Variants in PRSS8 observed in about 807,000 individuals in gnomAD.
PRSS8 encodes the protein prostasin.
PRSS8 carries 11 observed loss-of-function variants against 26.7 expected under a neutral mutation model. The observed-to-expected ratio is 0.41, with a 90% confidence interval of 0.26 to 0.68. The LOEUF (loss-of-function observed/expected upper bound fraction) is 0.68. Ranked by LOEUF, PRSS8 falls within the 30% of genes least tolerant of loss-of-function variation. The pLI is 0.30. For missense variants in PRSS8, 362 were observed against 443.5 expected (o/e 0.82, Z 1.65); for synonymous variants, 183 against 187.0 (o/e 0.98, Z 0.17).
Position 31,132,845 on chromosome 16 carries a change from GC to G in PRSS8, c.374del (p.Ser125ThrfsTer56). The G allele has an allele frequency of 3.1e-6, 5 of 1,613,922 alleles. No homozygotes were observed. Among genetic ancestry groups the G allele is most frequent in the Non-Finnish European group, 3.4e-6 (4 of 1,179,870 alleles). On this transcript the variant is annotated frameshift_variant, in exon 4 of 6. Coordinates refer to ENST00000317508, the MANE Select transcript of PRSS8 (RefSeq NM_002773.5). LOFTEE classifies it high-confidence loss of function. The surrounding 1 kb of genome is among the most constrained non-coding windows in gnomAD (Gnocchi z 5.2). ...CGCCCTGGGAGCCCTCCTGGAGGTAGCTGGGGTGGGGGATGATGTCCTTCAG... is the reference window on the plus strand; with the variant it reads ...CGCCCTGGGAGCCCTCCTGGAGGTAGTGGGGTGGGGGATGATGTCCTTCAG... ...STLKDIIPHPSYLQEGSQGDI... is the reference protein window; with the variant it reads ...STLKDIIPHPXYLQEGSQGDI...
rs971957784 is a variant in PRSS8 at position 31,135,019 on chromosome 16, C to A, written c.103+135G>T. ...TCTGCCCATAAGGTGAGGGCTAAAACCCCCCACTCTGGGAGCCCTAAGAGA... is the reference window on the plus strand; with the variant it reads ...TCTGCCCATAAGGTGAGGGCTAAAAACCCCCACTCTGGGAGCCCTAAGAGA... On this transcript the variant is annotated intron_variant, in intron 2 of 5. Coordinates refer to ENST00000317508, the MANE Select transcript of PRSS8 (RefSeq NM_002773.5). 5.2e-5 allele frequency: 58 copies of A among 1,115,808 alleles called. 1 individual carries two copies. In the East Asian group the frequency reaches 1.5e-3, roughly 28 times the overall value. The allele number at this position is 1,115,808 out of a possible 1,614,324, so 69.1% of individuals were successfully genotyped here.
chr16:31,132,259 G>C lies in PRSS8; in HGVS notation c.782C>G (p.Ala261Gly). ...YLTGIVSWGD[A>G]CGARNRPGVY... ...ACCAGGCCTGTTGCGGGCCCCACAG[G>C]CATCTCCCCAGCTCACAATGCCCGT... is the stretch of plus-strand genomic sequence containing the variant. The change falls in exon 6 of 6, where the codon GCC becomes GGC. Residue 261 changes from alanine to glycine, a missense_variant. Coordinates refer to ENST00000317508, the MANE Select transcript of PRSS8 (RefSeq NM_002773.5). This position sits in a 1 kb window ranked among gnomAD's most constrained non-coding sequence, Gnocchi z 5.2. The C allele has an allele frequency of 6.2e-7, 1 of 1,613,626 alleles. No individual in the cohort carries two copies. The highest frequency in any genetic ancestry group is 8.5e-7 in the Non-Finnish European group (1 of 1,179,698).
Position 31,132,276 on chromosome 16 carries a change from A to G in PRSS8, c.765T>C (p.Ile255=), listed in dbSNP as rs1380990667. 6.2e-7 allele frequency: 1 copy of G among 1,613,728 alleles called. No individual in the cohort carries two copies. The highest frequency in any genetic ancestry group is 1.1e-5 in the South Asian group (1 of 91,036). Residue 255 remains isoleucine (I), a synonymous_variant, in exon 6 of 6, where the codon ATT becomes ATC. Transcript: ENST00000317508. This position sits in a 1 kb window ranked among gnomAD's most constrained non-coding sequence, Gnocchi z 5.2. ...CCCCACAGGCATCTCCCCAGCTCAC[A>G]ATGCCCGTCAGGTACCAGAGACCCT... ...PVEGLWYLTG[I]VSWGDACGAR... is the part of the protein sequence containing the mutation.
chr16:31,133,150 A>G lies in PRSS8; in HGVS notation c.266+76T>C. ...AACTGACACTCTCAGACCCAACCCA[A>G]GAACCCCAACCTCTGACCTGGATTG... On this transcript the variant is annotated intron_variant, in intron 3 of 5. Coordinates refer to ENST00000317508, the MANE Select transcript of PRSS8 (RefSeq NM_002773.5). The surrounding 1 kb of genome is among the most constrained non-coding windows in gnomAD (Gnocchi z 4.7). 1 of 1,605,946 alleles carries G rather than the reference A, an allele frequency of 6.2e-7. No individual in the cohort carries two copies. Among genetic ancestry groups the G allele is most frequent in the Non-Finnish European group, 8.5e-7 (1 of 1,177,126 alleles).
chr16:31,131,584 T>C lies in PRSS8; in HGVS notation c.*425A>G, dbSNP rs2057580088. Reference sequence around the variant, plus strand: ...CAGTGGGCAAGATTGGGGCCTTTCCTGTCCTCGAAGCTGCACAAAGGTGGC... The same window carrying C: ...CAGTGGGCAAGATTGGGGCCTTTCCCGTCCTCGAAGCTGCACAAAGGTGGC... On this transcript the variant is annotated 3_prime_UTR_variant, in exon 6 of 6. Transcript: ENST00000317508. 1 of 477,294 alleles carries C rather than the reference T, an allele frequency of 2.1e-6. No homozygotes were observed. Among genetic ancestry groups the C allele is most frequent in the African/African-American group, 2.0e-5 (1 of 51,116 alleles). 29.6% of individuals were successfully genotyped at this position (477,294 alleles called of 1,614,324 possible).
At position 31,132,020 on chromosome 16, in the gene PRSS8, T is replaced by G. The variant is rs375758184; in HGVS notation, c.1021A>C (p.Ser341Arg). ...LALGLLSPWL[S>R]EH ...GAAGTAGGGCCAGCTCAGTGCTCGC[T>G]GAGCCATGGGGAGAGGAGGCCCAGA... The change falls in exon 6 of 6, where the codon AGC becomes CGC. Residue 341 changes from serine (S) to arginine (R), a missense_variant. By Grantham distance (110) the Ser-to-Arg change is moderately radical. Transcript: ENST00000317508. This position sits in a 1 kb window ranked among gnomAD's most constrained non-coding sequence, Gnocchi z 5.2. The G allele has an allele frequency of 2.2e-5, 35 of 1,575,738 alleles. No homozygotes were observed. In the African/African-American group the frequency reaches 4.4e-4, roughly 20 times the overall value.
At position 31,131,954 on chromosome 16, in the gene PRSS8, A is replaced by G. The variant is rs2057582248; in HGVS notation, c.*55T>C. The G allele has an allele frequency of 1.4e-6, 2 of 1,467,628 alleles. No homozygotes were observed. The highest frequency in any genetic ancestry group is 2.5e-5 in the East Asian group (1 of 40,334). The allele number at this position is 1,467,628 out of a possible 1,614,324, so 90.9% of individuals were successfully genotyped here. ...CCCTGGGTCCAAAGGCCATCAGGGA[A>G]GGACCAGGCTCCTGTCCTTGAGTGT... On this transcript the variant is annotated 3_prime_UTR_variant, in exon 6 of 6. Transcript: ENST00000317508.
In PRSS8 at chr16:31,132,271, C is replaced by T; in HGVS notation, c.770G>A (p.Ser257Asn). ...GCGGGCCCCACAGGCATCTCCCCAG[C>T]TCACAATGCCCGTCAGGTACCAGAG... ...EGLWYLTGIV[S>N]WGDACGARNR... is the part of the protein sequence containing the mutation. Residue 257 changes from serine to asparagine, a missense_variant, in exon 6 of 6, where the codon AGC becomes AAC. Physicochemically the swap from Ser to Asn is conservative, Grantham distance 46 (BLOSUM62 1). Coordinates refer to ENST00000317508, the MANE Select transcript of PRSS8 (RefSeq NM_002773.5). This position sits in a 1 kb window ranked among gnomAD's most constrained non-coding sequence, Gnocchi z 5.2. 1 of 1,613,738 alleles carries T rather than the reference C, an allele frequency of 6.2e-7. No individual in the cohort carries two copies. The highest frequency in any genetic ancestry group is 8.5e-7 in the Non-Finnish European group (1 of 1,179,748).
chr16:31,135,043 G>T (rs1406177021), intron 2 of PRSS8, 111 bp downstream of exon 2: 31 of 1,359,754 alleles, frequency 2.3e-5, no homozygotes, highest in Non-Finnish European at 2.9e-5. Flanking sequence ...AGCCCTAAGA[G>T]AATCTAGTTG....
Position 31,131,979 on chromosome 16 carries a change from T to G in PRSS8, c.*30A>C, listed in dbSNP as rs1208442031. 1 of 1,509,778 alleles carries G rather than the reference T, an allele frequency of 6.6e-7. No individual in the cohort carries two copies. Among genetic ancestry groups the G allele is most frequent in the Non-Finnish European group, 8.9e-7 (1 of 1,125,282 alleles). The allele number at this position is 1,509,778 out of a possible 1,614,324, so 93.5% of individuals were successfully genotyped here. On this transcript the variant is annotated 3_prime_UTR_variant, in exon 6 of 6. Coordinates refer to ENST00000317508, the MANE Select transcript of PRSS8 (RefSeq NM_002773.5). ...AGGACCAGGCTCCTGTCCTTGAGTG[T>G]GATGCATCCATCCTGGAAGTAGGGC...
At chr16:31,134,160 GC>G (rs2057594817) in intron 2 of PRSS8, 2 of 152,612 alleles carry the variant, frequency 1.3e-5, no homozygotes, top group African/African-American at 4.8e-5. Context: ...TTCCAGGACA[GC>G]CCCAGCCCCA....
rs754155592 is a variant in PRSS8 at position 31,135,420 on chromosome 16, C to T, written c.79G>A (p.Gly27Arg). Residue 27 changes from glycine to arginine, a missense_variant, in exon 1 of 6, where the codon GGG becomes AGG. Gly to Arg is a moderately radical substitution (Grantham distance 125, BLOSUM62 -2). Transcript: ENST00000317508. ...ILLYLGLLRSGTGAEGAEAPC... is the reference protein window; with the variant it reads ...ILLYLGLLRSRTGAEGAEAPC... ...CCCCCACGTCCTCACTTACCTGTCC[C>T]CGACCGGAGTAATCCAAGATAGAGC... 3.1e-6 allele frequency: 5 copies of T among 1,593,992 alleles called. No individual in the cohort carries two copies. Among genetic ancestry groups the T allele is most frequent in the Admixed American group, 3.5e-5 (2 of 56,636 alleles).
rs771440956 is a variant in PRSS8 at position 31,133,237 on chromosome 16, G to C, written c.255C>G (p.His85Gln). 5 of 1,613,810 alleles carry C rather than the reference G, an allele frequency of 3.1e-6. No individual in the cohort carries two copies. Among genetic ancestry groups the C allele is most frequent in the African/African-American group, 2.7e-5 (2 of 74,906 alleles). Reference protein sequence around the residue: ...VSEQWVLSAAHCFPSEHHKEA... With the variant: ...VSEQWVLSAAQCFPSEHHKEA... ...TCACCATTTGGTACCTGGGGAAGCAGTGAGCAGCTGACAGCACCCACTGCT... is the reference window on the plus strand; with the variant it reads ...TCACCATTTGGTACCTGGGGAAGCACTGAGCAGCTGACAGCACCCACTGCT... Residue 85 changes from histidine to glutamine, a missense_variant, in exon 3 of 6, where the codon CAC becomes CAG. Physicochemically the swap from His to Gln is conservative, Grantham distance 24. Coordinates refer to ENST00000317508, the MANE Select transcript of PRSS8 (RefSeq NM_002773.5). The surrounding 1 kb of genome is among the most constrained non-coding windows in gnomAD (Gnocchi z 4.7).
Position 31,135,578 on chromosome 16 carries a change from A to T in PRSS8, c.-80T>A. ...TGGGGTGGTGTCGAAGGCAGGACCC[A>T]GATGTTGGCTCAGAGGGAAGGATCC... On this transcript the variant is annotated 5_prime_UTR_variant, in exon 1 of 6. Coordinates refer to ENST00000317508, the MANE Select transcript of PRSS8 (RefSeq NM_002773.5). 2 of 1,191,612 alleles carry T rather than the reference A, an allele frequency of 1.7e-6. No individual in the cohort carries two copies. Among genetic ancestry groups the T allele is most frequent in the Non-Finnish European group, 2.3e-6 (2 of 860,582 alleles). The allele number at this position is 1,191,612 out of a possible 1,614,324, so 73.8% of individuals were successfully genotyped here.
intron 1 of PRSS8, 51 bp downstream of exon 1, chr16:31,135,363 C>A: frequency 6.4e-7 from 1 of 1,573,410 alleles, no homozygotes; most frequent in Non-Finnish European, 8.6e-7. Context: ...AATGATCACG[C>A]CGGCTCCCTC....
chr16:31,132,728 G>C lies in PRSS8; in HGVS notation c.492C>G (p.Asn164Lys), dbSNP rs202046554. The change falls in exon 4 of 6, where the codon AAC (asparagine) becomes AAG (lysine). Residue 164 changes from asparagine to lysine, a missense_variant. By Grantham distance (94) the Asn-to-Lys change is moderately conservative. Transcript: ENST00000317508. This position sits in a 1 kb window ranked among gnomAD's most constrained non-coding sequence, Gnocchi z 5.2. ...AGCCAGTGACAGTGCAGTGGAGGCC[G>C]TTGGGGAAGGAGGCGTTGGCTGCAG... ...CLPAANASFP[N>K]GLHCTVTGWG... 2.5e-6 allele frequency: 4 copies of C among 1,613,894 alleles called. No homozygotes were observed. Among genetic ancestry groups the C allele is most frequent in the Non-Finnish European group, 3.4e-6 (4 of 1,179,896 alleles).
In PRSS8 at chr16:31,132,412, C is replaced by T. The variant is rs776310812; in HGVS notation, c.705+17G>A. ...CCGAAGTTGCACTGGTCATCTGCCCCCCGGGCCTGTGCTTACCTGGCAGGC... is the reference window on the plus strand; with the variant it reads ...CCGAAGTTGCACTGGTCATCTGCCCTCCGGGCCTGTGCTTACCTGGCAGGC... On this transcript the variant is annotated intron_variant, in intron 5 of 5. Coordinates refer to ENST00000317508, the MANE Select transcript of PRSS8 (RefSeq NM_002773.5). This position sits in a 1 kb window ranked among gnomAD's most constrained non-coding sequence, Gnocchi z 5.2. 4 of 1,613,856 alleles carry T rather than the reference C, an allele frequency of 2.5e-6. No individual in the cohort carries two copies. Among genetic ancestry groups the T allele is most frequent in the Non-Finnish European group, 3.4e-6 (4 of 1,179,778 alleles).
chr16:31,133,137 C>T lies in PRSS8; in HGVS notation c.266+89G>A, dbSNP rs1311762577. 8.8e-5 allele frequency: 140 copies of T among 1,598,278 alleles called. 2 individuals are homozygous for T. In the South Asian group the frequency reaches 1.3e-3, roughly 15 times the overall value. ...CTTCCAGACTTAGAACTGACACTCT[C>T]AGACCCAACCCAAGAACCCCAACCT... On this transcript the variant is annotated intron_variant, in intron 3 of 5. Coordinates refer to ENST00000317508, the MANE Select transcript of PRSS8 (RefSeq NM_002773.5). The surrounding 1 kb of genome is among the most constrained non-coding windows in gnomAD (Gnocchi z 4.7).
Position 31,132,288 on chromosome 16 carries a change from G to T in PRSS8, c.753C>A (p.Tyr251Ter). ...CTCCCCAGCTCACAATGCCCGTCAG[G>T]TACCAGAGACCCTCCACAGGGCAGG... Reference protein sequence around the residue: ...PLSCPVEGLWYLTGIVSWGDA... With the variant: ...PLSCPVEGLW Residue 251 changes from tyrosine (Y) to a stop codon, truncating the protein, a stop_gained, in exon 6 of 6, where the codon TAC (tyrosine) becomes TAA (stop). Coordinates refer to ENST00000317508, the MANE Select transcript of PRSS8 (RefSeq NM_002773.5). LOFTEE classifies it low-confidence loss of function (END_TRUNC). The surrounding 1 kb of genome is among the most constrained non-coding windows in gnomAD (Gnocchi z 5.2). 2 of 1,613,802 alleles carry T rather than the reference G, an allele frequency of 1.2e-6. No homozygotes were observed. Among genetic ancestry groups the T allele is most frequent in the Non-Finnish European group, 1.7e-6 (2 of 1,179,812 alleles).
Sources: allele counts gnomAD v4.1 joint callset, GRCh38; gene constraint gnomAD v4.1.1; non-coding constraint Gnocchi (gnomAD v3.1); transcripts MANE v1.5; gene names NCBI Gene and HGNC (gene_info 2026-07-23, HGNC 2026-07-21).